ZNF107: variants seen among roughly 807,000 people sequenced by gnomAD.
The protein encoded by ZNF107 is C2H2 type zinc-finger protein.
ZNF107 carries 19 observed loss-of-function variants against 12.3 expected under a neutral mutation model. The observed-to-expected ratio is 1.55, with a 90% CI of 1.08 to 2.27. The LOEUF (loss-of-function observed/expected upper bound fraction) is 2.27. ZNF107 is among the 30% of genes most tolerant of loss of function. The probability of loss-of-function intolerance (pLI) is 0.00; values close to 1 mark genes in which losing one functional copy is unlikely to be tolerated. For synonymous variants in ZNF107, 317 were observed against 330.5 expected (o/e 0.96, Z 0.44); for missense variants, 958 against 979.9 (o/e 0.98, Z 0.30).
intron 3 of ZNF107, among the ~76,000 whole-genome samples, chr7:64,696,093 C>T (rs1252217385): frequency 2.6e-5 from 4 of 151,496 alleles, no homozygotes; most frequent in Non-Finnish European, 4.4e-5. Flanking sequence ...GATGGAGTCT[C>T]GCTCTGTTGC....
In ZNF107 at chr7:64,706,349, C is replaced by A; in HGVS notation, c.252C>A (p.Asp84Glu). Residue 84 changes from aspartate (D) to glutamate (E), a missense_variant, in exon 4 of 4, where the codon GAC (aspartate) becomes GAA (glutamate). By Grantham distance (45) the Asp-to-Glu change is conservative (BLOSUM62 2). Transcript: ENST00000620827. ...PPVMSFHFAQ[D>E]LWPEQNIKDS... ...TAATGTCTTTTCATTTTGCCCAAGA[C>A]CTTTGGCCAGAGCAGAACATAAAAG... The A allele has an allele frequency of 6.4e-7, 1 of 1,573,576 alleles. No homozygotes were observed. Among genetic ancestry groups the A allele is most frequent in the Admixed American group, 1.9e-5 (1 of 53,896 alleles).
chr7:64,710,341 T>A lies in ZNF107; in HGVS notation c.*1685T>A, dbSNP rs796195279. The stretch of plus-strand genomic sequence containing the variant: ...GTAATGCATTTGTGAAAACATTTTT[T>A]AAAAAACTACAGCTTAGAAAATACC... On this transcript the variant is annotated 3_prime_UTR_variant, in exon 4 of 4. Transcript: ENST00000620827. The A allele has an allele frequency of 2.6e-5, 4 of 152,126 alleles. No homozygotes were observed. The highest frequency in any genetic ancestry group is 9.7e-5 in the African/African-American group (4 of 41,438). 9.4% of individuals were successfully genotyped at this position (152,126 alleles called of 1,614,324 possible).
At chr7:64,669,870 C>G (rs372084482) in intron 1 of ZNF107, among the ~76,000 whole-genome samples, 1 of 152,170 alleles carries the variant, frequency 6.6e-6, no homozygotes, top group East Asian at 1.9e-4. Flanking sequence ...TTTCAAAACC[C>G]AAGTGAATAA....
intron 3 of ZNF107, among the ~76,000 whole-genome samples, chr7:64,695,055 G>GCA (rs372103876): frequency 3.8e-4 from 57 of 150,870 alleles, no homozygotes; most frequent in African/African-American, 1.2e-3. Context: ...CATATTCTGT[G>GCA]CACACACACA....
intron 1 of ZNF107, chr7:64,690,338 A>G (rs1195137647): frequency 2.0e-6 from 2 of 983,962 alleles, no homozygotes; most frequent in East Asian, 1.1e-4. Flanking sequence ...AGAGTAATAT[A>G]TAGGGTTTAC....
intron 1 of ZNF107, among the ~76,000 whole-genome samples, chr7:64,667,873 T>C (rs1456493915): frequency 6.6e-6 from 1 of 151,092 alleles, no homozygotes; most frequent in East Asian, 1.9e-4. Context: ...ATGCTGGTAT[T>C]GAGAGGAAAA....
chr7:64,704,372 A>C (rs1790572618), intron 3 of ZNF107, among the ~76,000 whole-genome samples: 1 of 151,956 alleles, frequency 6.6e-6, no homozygotes, highest in Admixed American at 6.6e-5. Flanking sequence ...CAGCCTCCTG[A>C]GTAGCTGGGA....
At chr7:64,686,547 A>T in intron 1 of ZNF107, 1 of 985,446 alleles carries the variant, frequency 1.0e-6, no homozygotes, top group Non-Finnish European at 1.2e-6. Flanking sequence ...TTATTAAAAC[A>T]AAAAGACAGG....
intron 1 of ZNF107, among the ~76,000 whole-genome samples, chr7:64,666,612 T>G (rs1205496859): frequency 6.6e-6 from 1 of 152,140 alleles, no homozygotes; most frequent in Non-Finnish European, 1.5e-5. Flanking sequence ...TGTGCAGGGA[T>G]GCCGGGAGGG....
chr7:64,695,183 A>C (rs1790249288), intron 3 of ZNF107, among the ~76,000 whole-genome samples: 1 of 152,014 alleles, frequency 6.6e-6, no homozygotes, highest in Non-Finnish European at 1.5e-5. Context: ...AAGGTTACAG[A>C]AGTTTTATTT....
At chr7:64,683,437 A>G (rs1375821440) in intron 1 of ZNF107, among the ~76,000 whole-genome samples, 4 of 152,222 alleles carry the variant, frequency 2.6e-5, no homozygotes, top group African/African-American at 9.6e-5. Context: ...CAGTGTCTGC[A>G]GACGTTCCAG....
At chr7:64,670,825 G>A (rs1224441356) in intron 1 of ZNF107, among the ~76,000 whole-genome samples, 1 of 152,072 alleles carries the variant, frequency 6.6e-6, no homozygotes, top group Non-Finnish European at 1.5e-5. Flanking sequence ...ACAGTGTTTT[G>A]CAGAGTTCTG....
chr7:64,691,224 T>C (rs1410075238), intron 1 of ZNF107, 24 bp from the exon 2 acceptor site: 1 of 1,437,852 alleles, frequency 7.0e-7, no homozygotes, highest in Non-Finnish European at 9.2e-7. Context: ...GCTTGGTAAA[T>C]GTGTGTGTGT....
At chr7:64,692,628 A>G (rs1790152971) in intron 3 of ZNF107, among the ~76,000 whole-genome samples, 1 of 152,068 alleles carries the variant, frequency 6.6e-6, no homozygotes, top group Non-Finnish European at 1.5e-5. Flanking sequence ...TGCTTTATCA[A>G]TATTTATTAT....
chr7:64,704,448 G>A (rs1790575165), intron 3 of ZNF107, among the ~76,000 whole-genome samples: 1 of 152,012 alleles, frequency 6.6e-6, no homozygotes, highest in South Asian at 2.1e-4. Flanking sequence ...GTTTCACCAT[G>A]TTTGCCAGGA....
rs1346096074 is a variant in ZNF107 at position 64,666,297 on chromosome 7, G to A, written c.3+12G>A. ...GAAACCTAGAAATGGTGAGAGTGCTGGGTCCGACATCCCGAGAGAGGGGGA... is the reference window on the plus strand; with the variant it reads ...GAAACCTAGAAATGGTGAGAGTGCTAGGTCCGACATCCCGAGAGAGGGGGA... On this transcript the variant is annotated intron_variant, in intron 1 of 3. Transcript: ENST00000620827. 6.2e-7 allele frequency: 1 copy of A among 1,609,394 alleles called. No homozygotes were observed. The highest frequency in any genetic ancestry group is 1.3e-5 in the African/African-American group (1 of 74,816).
In ZNF107 at chr7:64,709,780, T is replaced by C; in HGVS notation, c.*1124T>C. 2.2e-6 allele frequency: 1 copy of C among 449,212 alleles called. No individual in the cohort carries two copies. Among genetic ancestry groups the C allele is most frequent in the Non-Finnish European group, 4.4e-6 (1 of 225,326 alleles). The allele number at this position is 449,212 out of a possible 1,614,324, so 27.8% of individuals were successfully genotyped here. Reference sequence around the variant, plus strand: ...GAGAGTTAGTACGTAATAAAAGCATTATAAATGCAATTTTTGTCAAGAGAT... The same window carrying C: ...GAGAGTTAGTACGTAATAAAAGCATCATAAATGCAATTTTTGTCAAGAGAT... On this transcript the variant is annotated 3_prime_UTR_variant, in exon 4 of 4. Coordinates refer to ENST00000620827, the MANE Select transcript of ZNF107 (RefSeq NM_001282359.2).
chr7:64,677,172 T>C (rs1789444673), intron 1 of ZNF107, among the ~76,000 whole-genome samples: 1 of 148,632 alleles, frequency 6.7e-6, no homozygotes, highest in African/African-American at 2.6e-5. Flanking sequence ...AACATACCCA[T>C]GGATTTTTTT....
intron 1 of ZNF107, among the ~76,000 whole-genome samples, chr7:64,677,851 C>CAAAAA (rs36080718): frequency 1.3e-5 from 1 of 77,946 alleles, no homozygotes; most frequent in African/African-American, 5.2e-5. Context: ...GACTCTGTCT[C>CAAAAA]AAAAAAAAAA....
Sources: allele counts gnomAD v4.1 joint callset (sites outside exome capture counted in the v4.1 genomes callset), GRCh38; gene constraint gnomAD v4.1.1; transcripts MANE v1.5; gene names NCBI Gene and HGNC (gene_info 2026-07-23, HGNC 2026-07-21).